Variants in EPHA6 observed in about 807,000 individuals in gnomAD.
EPHA6 encodes the protein EPH receptor A6.
EPHA6 carries 50 observed loss-of-function variants against 112.0 expected under a neutral mutation model. That is an observed-to-expected ratio of 0.45 (90% CI 0.36 to 0.56). The LOEUF is 0.56. EPHA6 is among the 20% of genes least tolerant of loss of function. EPHA6 has a pLI of 0.00. For synonymous variants in EPHA6, 529 were observed against 490.7 expected, an observed-to-expected ratio of 1.08 and a Z score of -1.03; for missense variants, 1,280 against 1,417.4, an observed-to-expected ratio of 0.90 and a Z score of 1.56.
At position 97,687,335 on chromosome 3, in the gene EPHA6, C is replaced by G. The variant is rs575048635; in HGVS notation, c.2785-32926C>G. 2.6e-5 allele frequency among the ~76,000 whole-genome samples: 4 copies of G among 152,162 alleles called. No individual in the cohort carries two copies. The East Asian group carries it at 7.7e-4, about 29-fold the overall frequency. On this transcript the variant is annotated intron_variant, in intron 14 of 17. Coordinates refer to ENST00000389672, the MANE Select transcript of EPHA6 (RefSeq NM_001080448.3). Reference sequence around the variant, plus strand: ...TCTCAATCTGTGTCTTCAGTTTTTTCTATAGAAGTACAAGTAGTTATATAT... The same window carrying G: ...TCTCAATCTGTGTCTTCAGTTTTTTGTATAGAAGTACAAGTAGTTATATAT...
rs147477827 is a variant in EPHA6, at chr3:97,579,034, T to C, written c.2387-13578T>C. 3.3e-3 allele frequency among the ~76,000 whole-genome samples: 507 copies of C among 152,332 alleles called. 3 individuals carry two copies. The highest frequency in any genetic ancestry group is 0.011 in the African/African-American group (447 of 41,588). On this transcript the variant is annotated intron_variant, in intron 11 of 17. Transcript: ENST00000389672. Reference sequence around the variant, plus strand: ...TTATTTCTCGACAAGCCTGTTCCACTATCCAGTATTTATGTTTGCCAGCAA... The same window carrying C: ...TTATTTCTCGACAAGCCTGTTCCACCATCCAGTATTTATGTTTGCCAGCAA...
At chr3:97,390,341 A>T (rs866018557) in intron 5 of EPHA6, among the ~76,000 whole-genome samples, 5 of 151,982 alleles carry the variant, frequency 3.3e-5, no homozygotes, top group South Asian at 2.1e-4. Flanking sequence ...TGACAAGATC[A>T]TTCAGCATTC....
At chr3:97,605,051 C>A (rs2093670490) in intron 12 of EPHA6, among the ~76,000 whole-genome samples, 1 of 151,460 alleles carries the variant, frequency 6.6e-6, no homozygotes, top group Admixed American at 6.6e-5. Context: ...ATGTTGTTAA[C>A]ATTAATACTG....
intron 3 of EPHA6, among the ~76,000 whole-genome samples, chr3:97,032,118 TA>T (rs1227890162): frequency 6.6e-6 from 1 of 152,010 alleles, no homozygotes; most frequent in Non-Finnish European, 1.5e-5. Flanking sequence ...TATGCAGCCA[TA>T]AAAAAGGATG....
At chr3:96,953,437 C>T (rs1453849629) in intron 2 of EPHA6, among the ~76,000 whole-genome samples, 2 of 152,096 alleles carry the variant, frequency 1.3e-5, no homozygotes, top group South Asian at 2.1e-4. Context: ...TTTAAAATTA[C>T]ACAAATAGTA....
At chr3:96,935,655 T>A (rs1305807085) in intron 2 of EPHA6, among the ~76,000 whole-genome samples, 1 of 148,482 alleles carries the variant, frequency 6.7e-6, no homozygotes, top group Non-Finnish European at 1.5e-5. Flanking sequence ...TATATATTTA[T>A]AACAGTTCAA....
chr3:97,219,026 T>C (rs1454213440), intron 3 of EPHA6, among the ~76,000 whole-genome samples: 2 of 152,136 alleles, frequency 1.3e-5, no homozygotes, highest in African/African-American at 2.4e-5. Context: ...TGATCTCCTT[T>C]GACTTCTTGT....
chr3:97,391,106 T>C (rs575187904), intron 5 of EPHA6, among the ~76,000 whole-genome samples: 1 of 152,112 alleles, frequency 6.6e-6, no homozygotes, highest in African/African-American at 2.4e-5. Flanking sequence ...GCATTACTAT[T>C]ATCATTATTA....
chr3:97,758,335 TTTAAACTATATAACAAATATAACCG>T lies in EPHA6; in HGVS notation c.*9636_*9660del, dbSNP rs536526422. On this transcript the variant is annotated 3_prime_UTR_variant, in exon 18 of 18. Coordinates refer to ENST00000389672, the MANE Select transcript of EPHA6 (RefSeq NM_001080448.3). ...TCAGTCAAAGCTTAGTGTTTACCTC[TTTAAACTATATAACAAATATAACCG>T]TAGCAACAACAAATTAAAGGAGATC... is the stretch of plus-strand genomic sequence containing the variant. Among the ~76,000 whole-genome samples the T allele has an allele frequency of 1.5e-3, 223 of 152,142 alleles. No homozygotes were observed. The highest frequency in any genetic ancestry group is 4.8e-3 in the African/African-American group (200 of 41,566).
chr3:97,404,070 T>C (rs764385498), intron 5 of EPHA6, among the ~76,000 whole-genome samples: 6 of 152,216 alleles, frequency 3.9e-5, no homozygotes, highest in African/African-American at 1.4e-4. Context: ...CACTCTCTTA[T>C]TGATGGGCAT....
intron 2 of EPHA6, among the ~76,000 whole-genome samples, chr3:96,936,182 A>G (rs1212326460): frequency 6.6e-6 from 1 of 152,088 alleles, no homozygotes; most frequent in Non-Finnish European, 1.5e-5. Context: ...AAATGGAAAG[A>G]TATTTTTGTA....
chr3:97,092,435 T>C (rs2047101951), intron 3 of EPHA6, among the ~76,000 whole-genome samples: 3 of 152,062 alleles, frequency 2.0e-5, no homozygotes, highest in Admixed American at 2.0e-4. Flanking sequence ...ATAAATTGTC[T>C]TGGAGGACTA....
rs78759088 is a variant in EPHA6, at chr3:97,581,247, T to C, written c.2387-11365T>C. Among the ~76,000 whole-genome samples the C allele has an allele frequency of 3.7e-3, 569 of 152,306 alleles. 5 individuals are homozygous for C. The highest frequency in any genetic ancestry group is 0.012 in the African/African-American group (502 of 41,568). ...ATCTGTCTGGGAGAGAAAGACTATATGAGATATCAAGAGGGACTTGACAGG... is the reference window on the plus strand; with the variant it reads ...ATCTGTCTGGGAGAGAAAGACTATACGAGATATCAAGAGGGACTTGACAGG... On this transcript the variant is annotated intron_variant, in intron 11 of 17. Coordinates refer to ENST00000389672, the MANE Select transcript of EPHA6 (RefSeq NM_001080448.3).
Position 97,208,473 on chromosome 3 carries a change from C to T in EPHA6, c.1115-17791C>T, listed in dbSNP as rs986072288. On this transcript the variant is annotated intron_variant, in intron 3 of 17. Transcript: ENST00000389672. ...AAAATGGAGGGCCGCAGGCTGGGTG[C>T]AGTAGCTCATGCCTGTAATCCTAGC... Among the ~76,000 whole-genome samples, 5 of 152,214 alleles carry T rather than the reference C, an allele frequency of 3.3e-5. No homozygotes were observed. In the East Asian group the frequency reaches 9.7e-4, roughly 29 times the overall value.
In EPHA6 at chr3:97,138,497, GCAGTGGGGGACCCA is replaced by G. The variant is rs143234942; in HGVS notation, c.1115-87763_1115-87750del. ...CAAGACTGCCTGCCTGGTCATTCCT[GCAGTGGGGGACCCA>G]CAGCATAGCAACCATTGCTTCATCT... On this transcript the variant is annotated intron_variant, in intron 3 of 17. Coordinates refer to ENST00000389672, the MANE Select transcript of EPHA6 (RefSeq NM_001080448.3). Among the ~76,000 whole-genome samples, 71 of 152,288 alleles carry G rather than the reference GCAGTGGGGGACCCA, an allele frequency of 4.7e-4. 1 individual carries two copies. The East Asian group carries it at 0.013, about 27-fold the overall frequency.
chr3:97,736,610 A>G (rs1490749737), intron 16 of EPHA6, among the ~76,000 whole-genome samples: 1 of 151,666 alleles, frequency 6.6e-6, no homozygotes, highest in Non-Finnish European at 1.5e-5. Flanking sequence ...GAGGAAGAAT[A>G]TTTCCTGCTG....
At chr3:97,072,107 A>G (rs71311312) in intron 3 of EPHA6, among the ~76,000 whole-genome samples, 1,682 of 152,254 alleles carry the variant, frequency 0.011, 21 homozygotes, top group Non-Finnish European at 0.017. Context: ...TGTTTATAGC[A>G]GCACAATTTG....
At position 97,752,681 on chromosome 3, in the gene EPHA6, TG is replaced by T. The variant is rs1318269936; in HGVS notation, c.*3983del. Among the ~76,000 whole-genome samples, 1 of 152,108 alleles carries T rather than the reference TG, an allele frequency of 6.6e-6. No individual in the cohort carries two copies. Among genetic ancestry groups the T allele is most frequent in the Non-Finnish European group, 1.5e-5 (1 of 67,968 alleles). On this transcript the variant is annotated 3_prime_UTR_variant, in exon 18 of 18. Coordinates refer to ENST00000389672, the MANE Select transcript of EPHA6 (RefSeq NM_001080448.3). ...AGAACATTTGTACTCACAGAGGATA[TG>T]GGTTCTGGCTTTTCCTTAACTTGAA...
At chr3:97,402,818 C>T (rs879325415) in intron 5 of EPHA6, among the ~76,000 whole-genome samples, 12 of 152,030 alleles carry the variant, frequency 7.9e-5, no homozygotes, top group Non-Finnish European at 1.3e-4. Flanking sequence ...ACCTTATTTC[C>T]TTAGAAAAAC....
Sources: allele counts gnomAD v4.1 joint callset (sites outside exome capture counted in the v4.1 genomes callset), GRCh38; gene constraint gnomAD v4.1.1; transcripts MANE v1.5; gene names NCBI Gene and HGNC (gene_info 2026-07-23, HGNC 2026-07-21).